PDE4D: variants seen among roughly 807,000 people sequenced by gnomAD.
PDE4D encodes phosphodiesterase 4D.
In PDE4D, 24 loss-of-function variants were observed where a neutral mutation model predicts 87.4. That is an observed-to-expected ratio of 0.27 (90% CI 0.20 to 0.39). PDE4D has a LOEUF of 0.39. Ranked by LOEUF, PDE4D falls within the 10% of genes least tolerant of loss-of-function variation. The pLI is 1.00. For missense variants in PDE4D, 714 were observed against 1,041.0 expected (o/e 0.69, Z 4.32); for synonymous variants, 384 against 383.2 (o/e 1.00, Z -0.02).
chr5:60,053,769 T>C (rs942506304), intron 2 of PDE4D, among the ~76,000 whole-genome samples: 3 of 152,122 alleles, frequency 2.0e-5, no homozygotes, highest in African/African-American at 7.2e-5. Flanking sequence ...ATAGGGAACA[T>C]TTTTGCCATC....
chr5:60,262,531 C>T (rs986227467), intron 1 of PDE4D: 4 of 152,156 alleles, frequency 2.6e-5, no homozygotes, highest in Non-Finnish European at 4.4e-5. Flanking sequence ...CTTAGCAGAA[C>T]ATTCCCAGGA....
At chr5:59,170,434 C>T (rs897469924) in intron 5 of PDE4D, among the ~76,000 whole-genome samples, 1 of 152,182 alleles carries the variant, frequency 6.6e-6, no homozygotes, top group African/African-American at 2.4e-5. Context: ...ACAGTTAATG[C>T]TGGACTGTGG....
intron 3 of PDE4D, among the ~76,000 whole-genome samples, chr5:59,919,366 G>A (rs1754420921): frequency 6.6e-6 from 1 of 152,072 alleles, no homozygotes; most frequent in Non-Finnish European, 1.5e-5. Context: ...GTCATTCTTA[G>A]GCACCAATTA....
intron 1 of PDE4D, among the ~76,000 whole-genome samples, chr5:60,335,619 A>T (rs1217084118): frequency 6.6e-6 from 1 of 152,202 alleles, no homozygotes; most frequent in Non-Finnish European, 1.5e-5. Flanking sequence ...AAGAAATAGT[A>T]AACTCTCCTG....
intron 5 of PDE4D, among the ~76,000 whole-genome samples, chr5:59,126,761 A>G (rs972668070): frequency 2.0e-5 from 3 of 152,226 alleles, no homozygotes; most frequent in African/African-American, 7.2e-5. Flanking sequence ...AGTATAACTG[A>G]AGAATATGGA....
At chr5:60,332,897 T>C (rs905359182) in intron 1 of PDE4D, among the ~76,000 whole-genome samples, 1 of 152,198 alleles carries the variant, frequency 6.6e-6, no homozygotes. Flanking sequence ...TAGAATATGC[T>C]GAGATCAGGA....
intron 1 of PDE4D, among the ~76,000 whole-genome samples, chr5:59,372,137 T>C (rs1784033957): frequency 6.6e-6 from 1 of 152,228 alleles, no homozygotes; most frequent in African/African-American, 2.4e-5. Context: ...CTATTTCCTT[T>C]AGTAATTAGC....
At chr5:60,237,908 G>C (rs1258699814) in intron 1 of PDE4D, among the ~76,000 whole-genome samples, 3 of 151,636 alleles carry the variant, frequency 2.0e-5, no homozygotes, top group Non-Finnish European at 2.9e-5. Context: ...TAAAATGTTG[G>C]GGAAAAAAAC....
At chr5:59,718,227 C>T (rs912828948) in intron 1 of PDE4D, among the ~76,000 whole-genome samples, 11 of 152,104 alleles carry the variant, frequency 7.2e-5, no homozygotes, top group East Asian at 3.9e-4. Context: ...ATACTTATTT[C>T]GATCCAATGA....
At chr5:60,460,020 G>A (rs1043693719) in intron 1 of PDE4D, 191 of 1,219,032 alleles carry the variant, frequency 1.6e-4, no homozygotes, top group Middle Eastern at 2.7e-4. Flanking sequence ...GAACCAAGTA[G>A]TACTGTAATG....
chr5:59,537,427 CTAACT>C (rs1815487028), intron 1 of PDE4D, among the ~76,000 whole-genome samples: 1 of 152,176 alleles, frequency 6.6e-6, no homozygotes, highest in African/African-American at 2.4e-5. Context: ...TTCATGCTTC[CTAACT>C]TTTCTAATTT....
chr5:60,244,540 T>C (rs896930269), intron 1 of PDE4D, among the ~76,000 whole-genome samples: 2 of 151,976 alleles, frequency 1.3e-5, no homozygotes, highest in Non-Finnish European at 2.9e-5. Flanking sequence ...ATTACCTGAC[T>C]TCCAAATTAT....
At chr5:60,252,971 G>GTA (rs1748640643) in intron 1 of PDE4D, among the ~76,000 whole-genome samples, 2 of 151,866 alleles carry the variant, frequency 1.3e-5, no homozygotes, top group South Asian at 4.1e-4. Flanking sequence ...TTTGGTGACT[G>GTA]TATACATTGG....
At chr5:59,299,799 G>T (rs994857227) in intron 1 of PDE4D, among the ~76,000 whole-genome samples, 1 of 152,068 alleles carries the variant, frequency 6.6e-6, no homozygotes, top group African/African-American at 2.4e-5. Flanking sequence ...GTAGATTAAC[G>T]AGAAACACTG....
At chr5:59,235,294 A>G (rs961816291) in intron 1 of PDE4D, among the ~76,000 whole-genome samples, 1 of 152,144 alleles carries the variant, frequency 6.6e-6, no homozygotes, top group Non-Finnish European at 1.5e-5. Flanking sequence ...GGTGAGACAA[A>G]AGAATTATTC....
chr5:60,481,473 GC>G (rs1748728151), intron 1 of PDE4D, among the ~76,000 whole-genome samples: 1 of 152,086 alleles, frequency 6.6e-6, no homozygotes, highest in Non-Finnish European at 1.5e-5. Flanking sequence ...TATGTTAGAT[GC>G]ACCATTTGCT....
chr5:60,013,991 G>A (rs1008927798), intron 2 of PDE4D, among the ~76,000 whole-genome samples: 5 of 151,582 alleles, frequency 3.3e-5, no homozygotes, highest in Non-Finnish European at 7.4e-5. Flanking sequence ...TACTCAGGAG[G>A]CTGAGGCAGG....
intron 1 of PDE4D, among the ~76,000 whole-genome samples, chr5:59,423,554 C>T (rs1387127554): frequency 6.6e-6 from 1 of 152,088 alleles, no homozygotes; most frequent in East Asian, 1.9e-4. Flanking sequence ...AGTGCAGTAA[C>T]AGACACAGAA....
rs1206879190 is a variant in PDE4D at position 59,430,155 on chromosome 5, T to TC, written c.456-214188dup. 40 of 718,316 alleles carry TC rather than the reference T, an allele frequency of 5.6e-5. No individual in the cohort carries two copies. In the East Asian group the frequency reaches 1.2e-3, roughly 21 times the overall value. The allele number at this position is 718,316 out of a possible 1,614,324, so 44.5% of individuals were successfully genotyped here. A position where few individuals can be genotyped will look rare whatever the true frequency, so the allele number is the denominator to read the frequency against. The stretch of plus-strand genomic sequence containing the variant: ...AGCTTTCCTCTCTGGTTAATTTTTT[T>TC]CCCAACTATCCAGTGTGTTGAATAA... On this transcript the variant is annotated intron_variant, in intron 1 of 14. Coordinates refer to ENST00000340635, the MANE Select transcript of PDE4D (RefSeq NM_001104631.2).
Sources: gnomAD v4.1 joint callset for allele counts (sites outside exome capture counted in the v4.1 genomes callset) on GRCh38, gnomAD v4.1.1 for gene constraint, MANE v1.5 for transcripts, NCBI Gene and HGNC (gene_info 2026-07-23, HGNC 2026-07-21) for gene names.